ZPBP: variants seen among roughly 807,000 people sequenced by gnomAD.
ZPBP encodes the protein zona pellucida-binding protein 1.
Under a neutral mutation model 44.8 loss-of-function variants are expected in ZPBP, and 26 were observed. The observed-to-expected ratio is 0.58, with a 90% CI of 0.43 to 0.81. The LOEUF (loss-of-function observed/expected upper bound fraction) is 0.81. Among genes scored for constraint, ZPBP ranks in the 30% least tolerant of loss-of-function variants. ZPBP has a pLI of 0.00. For synonymous variants in ZPBP, 174 were observed against 153.2 expected (o/e 1.14, Z -1.00); for missense variants, 409 against 434.0 (o/e 0.94, Z 0.51).
intron 5 of ZPBP, among the ~76,000 whole-genome samples, chr7:50,020,244 T>A (rs944255447): frequency 1.3e-5 from 2 of 152,188 alleles, no homozygotes; most frequent in African/African-American, 4.8e-5. Flanking sequence ...ATCACGATAA[T>A]GTAAAATTTT....
chr7:49,927,090 A>T (rs1037055304), intron 1 of ZPBP, among the ~76,000 whole-genome samples: 1 of 151,256 alleles, frequency 6.6e-6, no homozygotes, highest in East Asian at 1.9e-4. Context: ...GCTATTACCA[A>T]CCCCGCCTAT....
intron 2 of ZPBP, among the ~76,000 whole-genome samples, chr7:49,882,989 T>TC (rs1485952993): frequency 1.3e-5 from 2 of 152,026 alleles, no homozygotes; most frequent in Non-Finnish European, 2.9e-5. Context: ...CCATTTCATC[T>TC]CTGCCCTGGC....
chr7:49,928,154 C>A (rs528663078), intron 1 of ZPBP, among the ~76,000 whole-genome samples: 1 of 152,284 alleles, frequency 6.6e-6, no homozygotes, highest in African/African-American at 2.4e-5. Context: ...CCACTTTGTT[C>A]ATGACCCTAT....
At chr7:49,943,114 C>A in intron 7 of ZPBP, 2 of 330,918 alleles carry the variant, frequency 6.0e-6, no homozygotes, top group South Asian at 5.8e-5. Flanking sequence ...CACCCACAGT[C>A]AGTAAGTCAG....
At chr7:49,993,102 A>C (rs1797639384) in intron 6 of ZPBP, among the ~76,000 whole-genome samples, 1 of 152,130 alleles carries the variant, frequency 6.6e-6, no homozygotes, top group African/African-American at 2.4e-5. Flanking sequence ...TTGAAGCAAA[A>C]CCACTAAAAT....
intron 7 of ZPBP, among the ~76,000 whole-genome samples, chr7:49,980,374 AAAGAGTT>A (rs1796790931): frequency 6.9e-6 from 1 of 144,848 alleles, no homozygotes; most frequent in South Asian, 2.1e-4. Context: ...TTCAGTCTTA[AAAGAGTT>A]TAAAAAATTT....
At position 49,981,645 on chromosome 7, in the gene ZPBP, A is replaced by ATAAATT. The variant is rs1562820378; in HGVS notation, c.961+1696_961+1697insAATTTA. On this transcript the variant is annotated intron_variant, in intron 7 of 7. Coordinates refer to ENST00000046087, the MANE Select transcript of ZPBP (RefSeq NM_007009.3). ...TATTATATTATATTATATATTATAT[A>ATAAATT]ATATCTTGATATAAAATATATATTA... Among the ~76,000 whole-genome samples the ATAAATT allele has an allele frequency of 2.2e-5, 2 of 90,780 alleles. 1 individual carries two copies. The highest frequency in any genetic ancestry group is 9.2e-5 in the African/African-American group (2 of 21,772). The allele number at this position is 90,780 out of a possible 152,430, so 59.6% of individuals were successfully genotyped here. A position where few individuals can be genotyped will look rare whatever the true frequency, so the allele number is the denominator to read the frequency against.
At chr7:50,064,548 T>A (rs1463505353) in intron 3 of ZPBP, among the ~76,000 whole-genome samples, 1 of 152,184 alleles carries the variant, frequency 6.6e-6, no homozygotes, top group Admixed American at 6.5e-5. Flanking sequence ...GGGGGCCAGT[T>A]CAGAGACCTA....
intron 7 of ZPBP, among the ~76,000 whole-genome samples, chr7:49,944,787 T>G (rs1795031425): frequency 6.6e-6 from 1 of 152,148 alleles, no homozygotes; most frequent in African/African-American, 2.4e-5. Flanking sequence ...AAAGGTTTGT[T>G]GATTTTGTTT....
At chr7:50,045,250 T>C (rs1382280392) in intron 4 of ZPBP, among the ~76,000 whole-genome samples, 1 of 152,210 alleles carries the variant, frequency 6.6e-6, no homozygotes, top group Non-Finnish European at 1.5e-5. Flanking sequence ...AAGACAAGGA[T>C]GCCCTCTCTC....
At chr7:49,902,295 G>C (rs1318838914) in intron 1 of ZPBP, among the ~76,000 whole-genome samples, 1 of 151,828 alleles carries the variant, frequency 6.6e-6, no homozygotes, top group Non-Finnish European at 1.5e-5. Context: ...AAAAAAAACT[G>C]TTGTCCTAAA....
downstream of ZPBP, among the ~76,000 whole-genome samples, chr7:49,935,276 T>A (rs1050217679): frequency 1.3e-5 from 2 of 152,192 alleles, no homozygotes; most frequent in Non-Finnish European, 2.9e-5. Flanking sequence ...CATAATCAAC[T>A]AAAATAAATG....
intron 7 of ZPBP, among the ~76,000 whole-genome samples, chr7:49,951,081 A>C (rs924689154): frequency 6.6e-6 from 1 of 151,858 alleles, no homozygotes; most frequent in Non-Finnish European, 1.5e-5. Flanking sequence ...ACAACACACA[A>C]TTTATAAAAA....
At chr7:49,899,470 T>G (rs931103334) in intron 2 of ZPBP, among the ~76,000 whole-genome samples, 1 of 151,952 alleles carries the variant, frequency 6.6e-6, no homozygotes, top group African/African-American at 2.4e-5. Flanking sequence ...TCAAAGTAAA[T>G]GGATGGATAA....
chr7:49,872,915 CAAAAAAAA>C (rs61473396), intron 2 of ZPBP, among the ~76,000 whole-genome samples: 10 of 33,946 alleles, frequency 2.9e-4, no homozygotes, highest in East Asian at 1.1e-3. Flanking sequence ...GACTTTGTCT[CAAAAAAAA>C]AAAAAAAAAA....
chr7:49,999,087 A>G (rs1337595578), intron 6 of ZPBP, among the ~76,000 whole-genome samples: 1 of 152,006 alleles, frequency 6.6e-6, no homozygotes, highest in Non-Finnish European at 1.5e-5. Flanking sequence ...ACCTGAAAAA[A>G]TCCAAAACCC....
chr7:50,062,240 C>T (rs561297812), intron 3 of ZPBP, among the ~76,000 whole-genome samples: 44 of 152,218 alleles, frequency 2.9e-4, no homozygotes, highest in African/African-American at 1.0e-3. Flanking sequence ...GTTAAAATAA[C>T]CATACTACCC....
At chr7:49,923,752 T>G (rs1422700483) in intron 1 of ZPBP, among the ~76,000 whole-genome samples, 1 of 152,210 alleles carries the variant, frequency 6.6e-6, no homozygotes, top group African/African-American at 2.4e-5. Context: ...AATATTTCTT[T>G]CGGTGAATTT....
At chr7:49,944,946 A>G (rs1421930119) in intron 7 of ZPBP, among the ~76,000 whole-genome samples, 1 of 151,954 alleles carries the variant, frequency 6.6e-6, no homozygotes. Flanking sequence ...ATAGGTTGCT[A>G]ATTTGAAGTT....
Sources: allele counts gnomAD v4.1 joint callset (sites outside exome capture counted in the v4.1 genomes callset), GRCh38; gene constraint gnomAD v4.1.1; transcripts MANE v1.5; gene names NCBI Gene and HGNC (gene_info 2026-07-23, HGNC 2026-07-21).